LMNB1: variants seen among roughly 807,000 people sequenced by gnomAD.
LMNB1 encodes the protein lamin B1.
Under a neutral mutation model 67.1 loss-of-function variants are expected in LMNB1, and 23 were observed. The observed-to-expected ratio is 0.34, with a 90% CI of 0.25 to 0.49. LMNB1 has a LOEUF of 0.49. LMNB1 is among the 20% of genes least tolerant of loss of function. The probability of loss-of-function intolerance (pLI) is 0.99; values close to 1 mark genes in which losing one functional copy is unlikely to be tolerated. For synonymous variants in LMNB1, 281 were observed against 282.9 expected (o/e 0.99, Z 0.07); for missense variants, 634 against 746.5 (o/e 0.85, Z 1.76).
chr5:126,799,411 C>G (rs1331586303), intron 1 of LMNB1, among the ~76,000 whole-genome samples: 1 of 152,218 alleles, frequency 6.6e-6, no homozygotes, highest in Admixed American at 6.5e-5. Context: ...AAAGGGCTCA[C>G]AAGGTAAGGA....
At chr5:126,808,182 T>A (rs954782132) in intron 3 of LMNB1, among the ~76,000 whole-genome samples, 5 of 149,316 alleles carry the variant, frequency 3.3e-5, no homozygotes, top group Non-Finnish European at 7.4e-5. Context: ...TTTTTTACTT[T>A]AAAAAAAATT....
At chr5:126,782,940 G>A (rs1750668606) in intron 1 of LMNB1, among the ~76,000 whole-genome samples, 2 of 151,930 alleles carry the variant, frequency 1.3e-5, no homozygotes, top group African/African-American at 2.4e-5. Flanking sequence ...GGTGGCTCAC[G>A]CCTGTAATCC....
chr5:126,778,507 A>C (rs950651840), intron 1 of LMNB1, among the ~76,000 whole-genome samples: 1 of 152,156 alleles, frequency 6.6e-6, no homozygotes, highest in Admixed American at 6.5e-5. Flanking sequence ...AGAGAGGCGG[A>C]GCTTGATCCG....
intron 8 of LMNB1, among the ~76,000 whole-genome samples, chr5:126,823,693 T>C (rs1751923322): frequency 6.6e-6 from 1 of 152,196 alleles, no homozygotes; most frequent in Non-Finnish European, 1.5e-5. Flanking sequence ...GATACAAACC[T>C]TACTGTTGAA....
chr5:126,832,310 GCTGT>G (rs929666619), intron 9 of LMNB1, among the ~76,000 whole-genome samples: 125 of 152,120 alleles, frequency 8.2e-4, no homozygotes, highest in African/African-American at 2.7e-3. Flanking sequence ...AAACAGAAAT[GCTGT>G]CTCTTTTTTT....
chr5:126,801,143 C>T (rs2112950711), intron 1 of LMNB1, among the ~76,000 whole-genome samples: 1 of 150,668 alleles, frequency 6.6e-6, no homozygotes, highest in South Asian at 2.1e-4. Context: ...GCCACCACGC[C>T]TGGCTAATTT....
intron 1 of LMNB1, among the ~76,000 whole-genome samples, chr5:126,800,977 A>AATTTT (rs1481273764): frequency 1.8e-4 from 7 of 38,266 alleles, no homozygotes; most frequent in Admixed American, 3.5e-4. Context: ...ATATATATAT[A>AATTTT]TATAATTTTT....
chr5:126,799,795 A>G (rs1751219983), intron 1 of LMNB1, among the ~76,000 whole-genome samples: 3 of 152,212 alleles, frequency 2.0e-5, no homozygotes. Flanking sequence ...ATAAGAGTGC[A>G]TATAAATGCC....
chr5:126,805,199 C>G (rs778643452), intron 2 of LMNB1, among the ~76,000 whole-genome samples: 23 of 152,172 alleles, frequency 1.5e-4, no homozygotes, highest in Admixed American at 1.4e-3. Context: ...TGTCTCTGCT[C>G]TCAAAGCCTA....
intron 10 of LMNB1, among the ~76,000 whole-genome samples, 198 bp downstream of exon 10, chr5:126,832,999 T>G (rs1752171318): frequency 6.6e-6 from 1 of 152,200 alleles, no homozygotes. Flanking sequence ...ACTTTTATTT[T>G]TATTTTTTCT....
intron 1 of LMNB1, among the ~76,000 whole-genome samples, chr5:126,791,072 G>A (rs1004411548): frequency 2.6e-5 from 4 of 152,058 alleles, no homozygotes; most frequent in Non-Finnish European, 2.9e-5. Context: ...AAATGAAGAC[G>A]TGTTCTTTAG....
Position 126,834,520 on chromosome 5 carries a change from T to C in LMNB1, c.1720-1703T>C, listed in dbSNP as rs936413553. Among the ~76,000 whole-genome samples the C allele has an allele frequency of 1.1e-4, 17 of 148,326 alleles. 3 individuals are homozygous for C. Among genetic ancestry groups the C allele is most frequent in the Admixed American group, 1.1e-3 (16 of 15,038 alleles). On this transcript the variant is annotated intron_variant, in intron 10 of 10. Transcript: ENST00000261366. ...AGTCCAGATTCAAAGTGGGGGTAAA[T>C]AGTCTCCACCTGTTGGTGGGAGGAA...
intron 1 of LMNB1, among the ~76,000 whole-genome samples, chr5:126,795,672 G>A (rs1580532747): frequency 6.6e-6 from 1 of 152,230 alleles, no homozygotes; most frequent in East Asian, 1.9e-4. Context: ...CGCCCAGGCT[G>A]GAGTGCAATG....
intron 1 of LMNB1, among the ~76,000 whole-genome samples, chr5:126,800,839 A>G (rs1377900744): frequency 7.1e-6 from 1 of 140,714 alleles, no homozygotes; most frequent in Non-Finnish European, 1.5e-5. Flanking sequence ...TTTAGTAGAG[A>G]CTGGGTTTCT....
Position 126,788,760 on chromosome 5 carries a change from A to G in LMNB1, c.359+10893A>G, listed in dbSNP as rs1034360083. ...TTTTTGGTGCCTTAGGTGATTGTTGACTGAGAGGAGAGCCTTTGGTTAATA... is the reference window on the plus strand; with the variant it reads ...TTTTTGGTGCCTTAGGTGATTGTTGGCTGAGAGGAGAGCCTTTGGTTAATA... On this transcript the variant is annotated intron_variant, in intron 1 of 10. Coordinates refer to ENST00000261366, the MANE Select transcript of LMNB1 (RefSeq NM_005573.4). Among the ~76,000 whole-genome samples the G allele has an allele frequency of 6.0e-4, 91 of 152,118 alleles. 6 individuals carry two copies.
At chr5:126,793,331 T>G (rs1327360783) in intron 1 of LMNB1, among the ~76,000 whole-genome samples, 8 of 151,846 alleles carry the variant, frequency 5.3e-5, no homozygotes, top group African/African-American at 1.5e-4. Context: ...GATTTTTTTT[T>G]TTGTTTCAAA....
At chr5:126,781,798 G>A (rs749796831) in intron 1 of LMNB1, among the ~76,000 whole-genome samples, 1 of 152,158 alleles carries the variant, frequency 6.6e-6, no homozygotes, top group Non-Finnish European at 1.5e-5. Context: ...CATTTAGGTA[G>A]ATTTAGATTA....
At chr5:126,807,906 C>G (rs1284848400) in intron 3 of LMNB1, among the ~76,000 whole-genome samples, 1 of 139,570 alleles carries the variant, frequency 7.2e-6, no homozygotes, top group African/African-American at 2.5e-5. Context: ...GAGTCCTGCT[C>G]TCTCGCCCAG....
chr5:126,791,197 T>G (rs1165440127), intron 1 of LMNB1, among the ~76,000 whole-genome samples: 1 of 152,068 alleles, frequency 6.6e-6, no homozygotes, highest in Admixed American at 6.5e-5. Context: ...GTTGTAGATC[T>G]CTTTTCATCC....
Sources: gnomAD v4.1 joint callset for allele counts (sites outside exome capture counted in the v4.1 genomes callset) on GRCh38, gnomAD v4.1.1 for gene constraint, MANE v1.5 for transcripts, NCBI Gene and HGNC (gene_info 2026-07-23, HGNC 2026-07-21) for gene names.